AP5Z1: variants seen among roughly 807,000 people sequenced by gnomAD.
The protein encoded by AP5Z1 is adaptor related protein complex 5 subunit zeta 1, also known as AP-5 complex subunit zeta-1.
In AP5Z1, 106 loss-of-function variants were observed where a neutral mutation model predicts 83.0. The observed-to-expected ratio is 1.28, with a 90% CI of 1.09 to 1.50. The LOEUF (loss-of-function observed/expected upper bound fraction) is 1.50, where lower values mean the gene tolerates loss of function less well. Ranked by LOEUF, AP5Z1 falls within the 40% of genes most tolerant of loss-of-function variation. The probability of loss-of-function intolerance (pLI) is 0.00; values close to 1 mark genes in which losing one functional copy is unlikely to be tolerated. For missense variants in AP5Z1, 1,565 were observed against 1,094.2 expected (o/e 1.43, Z -6.07); for synonymous variants, 751 against 514.1 (o/e 1.46, Z -6.23).
intron 3 of AP5Z1, 52 bp from the exon 4 acceptor site, chr7:4,783,264 C>T: frequency 6.6e-7 from 1 of 1,512,644 alleles, no homozygotes; most frequent in South Asian, 1.2e-5. Flanking sequence ...AATGGGGGAG[C>T]TGGTCTCTGG....
Position 4,785,452 on chromosome 7 carries a change from TGTA to T in AP5Z1, c.969+1_969+3del. On this transcript the variant is annotated splice_donor_variant and splice_donor_region_variant and intron_variant, in intron 8 of 16. Coordinates refer to ENST00000649063, the MANE Select transcript of AP5Z1 (RefSeq NM_014855.3). LOFTEE classifies it high-confidence loss of function. ...AGGGGGACTCCGACCTGCAGAAAGC[TGTA>T]AGTGGCTGGGGACCAGGGGATGGGA... 1.9e-6 allele frequency: 3 copies of T among 1,613,472 alleles called. No homozygotes were observed. The highest frequency in any genetic ancestry group is 2.5e-6 in the Non-Finnish European group (3 of 1,179,694).
rs1247190947 is a variant in AP5Z1 at position 4,790,665 on chromosome 7, G to C, written c.1939-8G>C. On this transcript the variant is annotated splice_region_variant and splice_polypyrimidine_tract_variant and intron_variant, in intron 15 of 16. Transcript: ENST00000649063. ...GGGTGGGGGCTGAATCTCTGTCCCC[G>C]GGCCTAGGTGTGGGCCATCGGCGAG... is the stretch of plus-strand genomic sequence containing the variant. The C allele has an allele frequency of 1.2e-6, 2 of 1,612,010 alleles. No homozygotes were observed. Among genetic ancestry groups the C allele is most frequent in the Non-Finnish European group, 1.7e-6 (2 of 1,179,596 alleles).
In AP5Z1 at chr7:4,784,302, C is replaced by G; in HGVS notation, c.721C>G (p.Gln241Glu). 1 of 1,602,474 alleles carries G rather than the reference C, an allele frequency of 6.2e-7. No homozygotes were observed. Among genetic ancestry groups the G allele is most frequent in the Non-Finnish European group, 8.5e-7 (1 of 1,175,534 alleles). The change falls in exon 6 of 17, where the codon CAG (glutamine) becomes GAG (glutamate). Residue 241 changes from glutamine (Q) to glutamate (E), a missense_variant. Physicochemically the swap from Gln to Glu is conservative, Grantham distance 29 (BLOSUM62 2). Transcript: ENST00000649063. ...CACAGACGACCAGTGGCTGAACGTG[C>G]AGGCCTTCTCTATGCTGCGGGCGTG... The part of the protein sequence containing the change: ...RFTDDQWLNV[Q>E]AFSMLRAWLL...
Position 4,781,187 on chromosome 7 carries a change from C to G in AP5Z1, c.54C>G (p.Asp18Glu), listed in dbSNP as rs752985436. The G allele has an allele frequency of 1.2e-6, 2 of 1,613,950 alleles. No individual in the cohort carries two copies. Among genetic ancestry groups the G allele is most frequent in the South Asian group, 1.1e-5 (1 of 91,084 alleles). ...SLLHQAREIQ[D>E]EELKKFCSRI... is the part of the protein sequence containing the mutation. Reference sequence around the variant, plus strand: ...CTTCTTTGTTTAGGGAGATCCAGGACGAGGAGCTGAAGAAGTTCTGTTCCC... The same window carrying G: ...CTTCTTTGTTTAGGGAGATCCAGGAGGAGGAGCTGAAGAAGTTCTGTTCCC... The change falls in exon 2 of 17, where the codon GAC (aspartate) becomes GAG (glutamate). Residue 18 changes from aspartate to glutamate, a missense_variant. Transcript: ENST00000649063.
At chr7:4,786,755 ACTTGGGTG>A (rs1781558005) in intron 10 of AP5Z1, among the ~76,000 whole-genome samples, 1 of 149,736 alleles carries the variant, frequency 6.7e-6, no homozygotes, top group Non-Finnish European at 1.5e-5. Context: ...TGCCTTGGGC[ACTTGGGTG>A]CCATTTGCCT....
rs773950276 is a variant in AP5Z1 at position 4,789,864 on chromosome 7, G to T, written c.1740G>T (p.Ala580=). 2.6e-6 allele frequency: 4 copies of T among 1,552,734 alleles called. No individual in the cohort carries two copies. Among genetic ancestry groups the T allele is most frequent in the Non-Finnish European group, 3.5e-6 (4 of 1,148,434 alleles). ...VADGSLINQL[A]LLLLGRSDSL... ...ACGGGTCCCTGATCAACCAGCTGGC[G>T]CTGCTGCTCCTGGGCAGGAGCGACT... Residue 580 remains alanine, a synonymous_variant, in exon 14 of 17, where the codon GCG becomes GCT. Coordinates refer to ENST00000649063, the MANE Select transcript of AP5Z1 (RefSeq NM_014855.3).
chr7:4,785,014 G>T lies in AP5Z1; in HGVS notation c.897G>T (p.Glu299Asp). The T allele has an allele frequency of 1.2e-6, 2 of 1,610,670 alleles. No homozygotes were observed. Among genetic ancestry groups the T allele is most frequent in the Non-Finnish European group, 1.7e-6 (2 of 1,178,408 alleles). ...PRERLREVAFEYCQRLIEQSN... is the reference protein window; with the variant it reads ...PRERLREVAFDYCQRLIEQSN... ...AGCGGCTTCGGGAGGTGGCCTTCGA[G>T]TACTGCCAGCGCCTCATTGAGCAAA... Residue 299 changes from glutamate (E) to aspartate (D), a missense_variant, in exon 7 of 17, where the codon GAG becomes GAT. Coordinates refer to ENST00000649063, the MANE Select transcript of AP5Z1 (RefSeq NM_014855.3).
In AP5Z1 at chr7:4,785,095, C is replaced by G. The variant is rs368034342; in HGVS notation, c.931+47C>G. The G allele has an allele frequency of 1.5e-5, 23 of 1,549,218 alleles. No individual in the cohort carries two copies. In the African/African-American group the frequency reaches 3.0e-4, roughly 20 times the overall value. ...CTGGCCTCCCCAGGGCTCGACGCAC[C>G]TGCTCTGCAAGGCCACCTGAGGCCA... is the stretch of plus-strand genomic sequence containing the variant. On this transcript the variant is annotated intron_variant, in intron 7 of 16. Coordinates refer to ENST00000649063, the MANE Select transcript of AP5Z1 (RefSeq NM_014855.3).
chr7:4,784,736 G>C (rs932347582), intron 6 of AP5Z1, among the ~76,000 whole-genome samples, 172 bp from the exon 7 acceptor site: 1 of 152,178 alleles, frequency 6.6e-6, no homozygotes, highest in Non-Finnish European at 1.5e-5. Context: ...CCTGAAGGGC[G>C]GCCGTGATGG....
At chr7:4,788,996 C>G in intron 13 of AP5Z1, 45 bp downstream of exon 13, 3 of 1,551,934 alleles carry the variant, frequency 1.9e-6, no homozygotes, top group Non-Finnish European at 2.6e-6. Context: ...GGCCTCACAA[C>G]TGAGGGGCAG....
At chr7:4,789,083 G>GT (rs1781657701) in intron 13 of AP5Z1, 132 bp downstream of exon 13, 2 of 786,794 alleles carry the variant, frequency 2.5e-6, no homozygotes, top group Non-Finnish European at 4.0e-6. Flanking sequence ...CACGGTCCCT[G>GT]TGAGGGTCAG....
intron 3 of AP5Z1, 149 bp from the exon 4 acceptor site, chr7:4,783,166 TG>T: frequency 8.4e-7 from 1 of 1,186,606 alleles, no homozygotes; most frequent in Non-Finnish European, 1.1e-6. Context: ...TGGCCCGGGG[TG>T]GGCCTGCGCG....
chr7:4,776,628 G>A (rs188138063), intron 1 of AP5Z1, among the ~76,000 whole-genome samples: 1 of 151,948 alleles, frequency 6.6e-6, no homozygotes, highest in African/African-American at 2.4e-5. Flanking sequence ...CCAGCTACTC[G>A]GGAGGCTGAG....
chr7:4,775,892 T>C (rs1781211529), intron 1 of AP5Z1, 136 bp downstream of exon 1: 1 of 1,318,612 alleles, frequency 7.6e-7, no homozygotes, highest in African/African-American at 1.5e-5. Context: ...GACTTGGGGA[T>C]CGGGTAAGGC....
Position 4,791,168 on chromosome 7 carries a change from G to C in AP5Z1, c.2207G>C (p.Ser736Thr). ...MRTLAHSPAT[S>T]STHSEEGAEA... is the part of the protein sequence containing the mutation. Reference sequence around the variant, plus strand: ...ACCCTGGCTCACAGTCCAGCCACCAGCTCCACGCACAGCGAGGAGGGCGCG... The same window carrying C: ...ACCCTGGCTCACAGTCCAGCCACCACCTCCACGCACAGCGAGGAGGGCGCG... Residue 736 changes from serine (S) to threonine (T), a missense_variant, in exon 17 of 17, where the codon AGC becomes ACC. By Grantham distance (58) the Ser-to-Thr change is moderately conservative (BLOSUM62 1). Transcript: ENST00000649063. 1 of 1,586,658 alleles carries C rather than the reference G, an allele frequency of 6.3e-7. No individual in the cohort carries two copies. The highest frequency in any genetic ancestry group is 8.5e-7 in the Non-Finnish European group (1 of 1,178,486).
chr7:4,785,293 T>A (rs561817320), intron 7 of AP5Z1, 122 bp from the exon 8 acceptor site: 22 of 1,382,392 alleles, frequency 1.6e-5, no homozygotes, highest in Non-Finnish European at 1.6e-5. Flanking sequence ...CAAGTCCTCC[T>A]GGGGGCCTGT....
chr7:4,789,957 G>A (rs1394405375), intron 14 of AP5Z1, 28 bp downstream of exon 14: 3 of 1,498,204 alleles, frequency 2.0e-6, no homozygotes, highest in Admixed American at 4.2e-5. Context: ...TCCTGCCACA[G>A]CCCTGGGCGG....
intron 1 of AP5Z1, among the ~76,000 whole-genome samples, chr7:4,779,680 G>T (rs894589773): frequency 1.3e-5 from 2 of 151,130 alleles, no homozygotes; most frequent in African/African-American, 4.9e-5. Flanking sequence ...TGCTCTCGTT[G>T]CCCAAGCTGG....
rs754158853 is a variant in AP5Z1, at chr7:4,791,176, C to T, written c.2215C>T (p.His739Tyr). Reference sequence around the variant, plus strand: ...TCACAGTCCAGCCACCAGCTCCACGCACAGCGAGGAGGGCGCGGAAGCCAT... The same window carrying T: ...TCACAGTCCAGCCACCAGCTCCACGTACAGCGAGGAGGGCGCGGAAGCCAT... ...LAHSPATSST[H>Y]SEEGAEAIRT... The change falls in exon 17 of 17, where the codon CAC becomes TAC. Residue 739 changes from histidine to tyrosine, a missense_variant. His to Tyr is a moderately conservative substitution (Grantham distance 83, BLOSUM62 2). Coordinates refer to ENST00000649063, the MANE Select transcript of AP5Z1 (RefSeq NM_014855.3). 3.2e-6 allele frequency: 5 copies of T among 1,587,228 alleles called. No homozygotes were observed. In the South Asian group the frequency reaches 5.5e-5, roughly 17 times the overall value.
Sources: gnomAD v4.1 joint callset for allele counts (sites outside exome capture counted in the v4.1 genomes callset) on GRCh38, gnomAD v4.1.1 for gene constraint, MANE v1.5 for transcripts, NCBI Gene and HGNC (gene_info 2026-07-23, HGNC 2026-07-21) for gene names.